The following SHOX variants were observed in gnomAD, a reference collection of about 807,000 sequenced individuals.
SHOX encodes the protein SHOX homeobox, also known as short stature homeobox protein.
SHOX carries 12 observed loss-of-function variants against 29.6 expected under a neutral mutation model. The observed-to-expected ratio is 0.41, with a 90% confidence interval of 0.26 to 0.66. SHOX has a LOEUF of 0.66. Ranked by LOEUF, SHOX falls within the 30% of genes least tolerant of loss-of-function variation. The probability of loss-of-function intolerance (pLI) is 0.35; values close to 1 mark genes in which losing one functional copy is unlikely to be tolerated. For missense variants in SHOX, 499 were observed against 437.7 expected (o/e 1.14, Z -1.25); for synonymous variants, 214 against 200.6 (o/e 1.07, Z -0.57).
At chrX:630,555 G>A (rs534289758), upstream of SHOX, 42 of 442,038 alleles carry the variant, frequency 9.5e-5, no homozygotes, top group South Asian at 9.3e-4. Flanking sequence ...CCTCCTGCGC[G>A]CGCGCTCTCC....
rs1399277524 is a variant in SHOX, at chrX:649,307, G to A, written c.*4671G>A. Among the ~76,000 whole-genome samples the A allele has an allele frequency of 6.6e-6, 1 of 152,116 alleles. No homozygotes were observed. The highest frequency in any genetic ancestry group is 2.4e-5 in the African/African-American group (1 of 41,440). On this transcript the variant is annotated 3_prime_UTR_variant, in exon 5 of 5. Transcript: ENST00000686671. Reference sequence around the variant, plus strand: ...ACCCGCCTCAGCCTCCCAGAGTGCTGGGATTACGGGGTGAGGCACCGCGCC... The same window carrying A: ...ACCCGCCTCAGCCTCCCAGAGTGCTAGGATTACGGGGTGAGGCACCGCGCC...
chrX:629,461 CTT>C (rs1268726338), upstream of SHOX, among the ~76,000 whole-genome samples: 1 of 151,544 alleles, frequency 6.6e-6, no homozygotes, highest in East Asian at 1.9e-4. Context: ...CTGTCTCTCC[CTT>C]TCTCTCTGTC....
intron 1 of SHOX, 86 bp from the exon 2 acceptor site, chrX:634,532 T>G: frequency 1.4e-6 from 2 of 1,456,516 alleles, no homozygotes; most frequent in Non-Finnish European, 1.9e-6. Flanking sequence ...GAGGGCCCCC[T>G]TTCCACCGCG....
chrX:646,669 TCAA>T lies in SHOX; in HGVS notation c.*2036_*2038del, dbSNP rs1437844213. 1 of 152,160 alleles carries T rather than the reference TCAA, an allele frequency of 6.6e-6. No homozygotes were observed. The highest frequency in any genetic ancestry group is 1.5e-5 in the Non-Finnish European group (1 of 68,022). The allele number at this position is 152,160 out of a possible 1,614,324, so 9.4% of individuals were successfully genotyped here. A position where few individuals can be genotyped will look rare whatever the true frequency, so the allele number is the denominator to read the frequency against. On this transcript the variant is annotated 3_prime_UTR_variant, in exon 5 of 5. Transcript: ENST00000686671. ...TCTTTATACAAACCAAAAGTCCCCT[TCAA>T]CATTTTTTATGTCAAAATGTTACAA...
At chrX:655,078 A>G (rs1273471273), downstream of SHOX, among the ~76,000 whole-genome samples, 2 of 151,622 alleles carry the variant, frequency 1.3e-5, no homozygotes, top group African/African-American at 4.8e-5. Context: ...GTGAGACCAC[A>G]TCTCTAAATA....
At chrX:626,817 C>G (rs1373158126), upstream of SHOX, among the ~76,000 whole-genome samples, 2 of 150,762 alleles carry the variant, frequency 1.3e-5, no homozygotes, top group African/African-American at 4.9e-5. Flanking sequence ...CTCTCTTTCT[C>G]TCTCTCCTCT....
chrX:634,570 C>T (rs756210463), intron 1 of SHOX, 48 bp from the exon 2 acceptor site: 54 of 1,600,788 alleles, frequency 3.4e-5, no homozygotes, highest in Non-Finnish European at 4.4e-5. Flanking sequence ...CGCCACGTTG[C>T]GCAAAACCTC....
Position 650,149 on chromosome X carries a change from C to T in SHOX, c.*5513C>T, listed in dbSNP as rs921239187. On this transcript the variant is annotated 3_prime_UTR_variant, in exon 5 of 5. Transcript: ENST00000686671. ...CCTTGGCTGTGGCTGTCTTCTCCAG[C>T]GCCGTGGATAAAGAGATGGGACAGA... Among the ~76,000 whole-genome samples, 9 of 152,200 alleles carry T rather than the reference C, an allele frequency of 5.9e-5. No homozygotes were observed. The highest frequency in any genetic ancestry group is 3.9e-4 in the East Asian group (2 of 5,184).
chrX:657,881 G>A (rs1004768032), intron 5 of SHOX, among the ~76,000 whole-genome samples: 5 of 152,178 alleles, frequency 3.3e-5, no homozygotes, highest in Admixed American at 3.3e-4. Context: ...GGAAGGGGCA[G>A]ATGGAAATGA....
At chrX:626,836 T>TTCTGTC (rs2052547785), upstream of SHOX, among the ~76,000 whole-genome samples, 1 of 144,260 alleles carries the variant, frequency 6.9e-6, no homozygotes, top group African/African-American at 2.7e-5. Flanking sequence ...CTCTCTCTTT[T>TTCTGTC]TCTGTCTCTG....
upstream of SHOX, among the ~76,000 whole-genome samples, chrX:626,054 A>C (rs768489882): frequency 4.8e-3 from 29 of 6,070 alleles, no homozygotes; most frequent in Admixed American, 5.7e-3. Context: ...CTGTGTCTCT[A>C]CCTCTGTCTC....
intron 1 of SHOX, among the ~76,000 whole-genome samples, chrX:631,411 G>C (rs1029694760): frequency 2.0e-5 from 3 of 152,220 alleles, no homozygotes; most frequent in African/African-American, 7.2e-5. Context: ...TCGCAGCGGG[G>C]GCCGCGCGCG....
downstream of SHOX, among the ~76,000 whole-genome samples, chrX:654,307 C>T (rs1279363528): frequency 6.6e-6 from 1 of 151,634 alleles, no homozygotes; most frequent in Admixed American, 6.6e-5. Flanking sequence ...AACAAACCTG[C>T]ACATTGTGCA....
At position 631,086 on chromosome X, in the gene SHOX, C is replaced by T. The variant is rs1251470495; in HGVS notation, c.189C>T (p.Gly63=). Residue 63 remains glycine (G), a synonymous_variant, in exon 1 of 5, where the codon GGC becomes GGT. Coordinates refer to ENST00000686671, the MANE Select transcript of SHOX (RefSeq NM_000451.4). ...DSSLQDITEG[G]GHCPVHLFKD... ...GCCTCCAGGACATCACGGAGGGCGG[C>T]GGCCACTGCCCGGTGCATTTGTTCA... 3.1e-6 allele frequency: 5 copies of T among 1,613,594 alleles called. No homozygotes were observed. Among genetic ancestry groups the T allele is most frequent in the Non-Finnish European group, 4.2e-6 (5 of 1,179,862 alleles).
chrX:631,922 C>T (rs1192199018), intron 1 of SHOX: 1 of 456,110 alleles, frequency 2.2e-6, no homozygotes, highest in East Asian at 6.9e-5. Context: ...GCCGTCTCCA[C>T]GCGCCTTCCC....
chrX:630,594 G>T (rs1388527699), upstream of SHOX: 1 of 530,704 alleles, frequency 1.9e-6, no homozygotes, highest in Non-Finnish European at 3.4e-6. Flanking sequence ...TTCCCCCTTC[G>T]CACCAAGGTG....
Position 645,428 on chromosome X carries a change from T to G in SHOX, c.*792T>G, listed in dbSNP as rs2052950113. 1 of 123,096 alleles carries G rather than the reference T, an allele frequency of 8.1e-6. No homozygotes were observed. Among genetic ancestry groups the G allele is most frequent in the African/African-American group, 3.2e-5 (1 of 31,102 alleles). The allele number at this position is 123,096 out of a possible 1,614,324, so 7.6% of individuals were successfully genotyped here. A position where few individuals can be genotyped will look rare whatever the true frequency, so the allele number is the denominator to read the frequency against. On this transcript the variant is annotated 3_prime_UTR_variant, in exon 5 of 5. Coordinates refer to ENST00000686671, the MANE Select transcript of SHOX (RefSeq NM_000451.4). ...TTTTTTTTTTTTTTTTTTTTTGCTG[T>G]GTTACAGGATTCAGACGCAAAAGAC...
At chrX:635,185 C>T (rs2052723588) in intron 2 of SHOX, among the ~76,000 whole-genome samples, 2 of 152,090 alleles carry the variant, frequency 1.3e-5, no homozygotes, top group Admixed American at 6.6e-5. Flanking sequence ...TGACTGCCTT[C>T]GGTTCCCCTG....
chrX:631,863 G>T lies in SHOX; in HGVS notation c.277+689G>T, dbSNP rs182142323. On this transcript the variant is annotated intron_variant, in intron 1 of 4. Transcript: ENST00000686671. ...CTGACGGCTTAGGATGTGTGTTTCT[G>T]TCTCTGCCTGTCTGCCTTGTATTTA... is the stretch of plus-strand genomic sequence containing the variant. 358 of 455,784 alleles carry T rather than the reference G, an allele frequency of 7.9e-4. 1 individual carries two copies. Among genetic ancestry groups the T allele is most frequent in the African/African-American group, 6.7e-3 (336 of 50,180 alleles). The allele number at this position is 455,784 out of a possible 1,614,324, so 28.2% of individuals were successfully genotyped here.
Sources: allele counts gnomAD v4.1 joint callset (sites outside exome capture counted in the v4.1 genomes callset), GRCh38; gene constraint gnomAD v4.1.1; transcripts MANE v1.5; gene names NCBI Gene and HGNC (gene_info 2026-07-23, HGNC 2026-07-21).